Variants in PLCH2 observed in about 807,000 individuals in gnomAD.
PLCH2 encodes the protein 1-phosphatidylinositol 4,5-bisphosphate phosphodiesterase eta-2.
A neutral mutation model predicts 134.7 loss-of-function variants in PLCH2; 98 were observed. That is an observed-to-expected ratio of 0.73 (90% CI 0.62 to 0.86). The LOEUF (loss-of-function observed/expected upper bound fraction) is 0.86. Among genes scored for constraint, PLCH2 ranks in the 40% least tolerant of loss-of-function variants. PLCH2 has a pLI of 0.00. For missense variants in PLCH2, 1,994 were observed against 1,986.6 expected, an observed-to-expected ratio of 1.00 and a Z score of -0.07; for synonymous variants, 974 against 827.5, an observed-to-expected ratio of 1.18 and a Z score of -3.04.
At chr1:2,436,495 T>TC (rs1553238917) in intron 2 of PLCH2, among the ~76,000 whole-genome samples, 5 of 21,742 alleles carry the variant, frequency 2.3e-4, no homozygotes, top group Admixed American at 1.1e-3. Context: ...CCCTCCTCCC[T>TC]CCTCCTCCTT....
In PLCH2 at chr1:2,448,806, G is replaced by T. The variant is rs1240865998; in HGVS notation, c.115+18177G>T. 1.8e-4 allele frequency among the ~76,000 whole-genome samples: 27 copies of T among 152,164 alleles called. No homozygotes were observed. Among genetic ancestry groups the T allele is most frequent in the Admixed American group, 1.8e-3 (27 of 15,288 alleles). ...GGGTCCTGGCTCCACAGGTGACCAA[G>T]AGGGGTACTGGAGGCCTGGACGGGC... On this transcript the variant is annotated intron_variant, in intron 2 of 3. Coordinates refer to the PLCH2 transcript ENST00000609981. This position sits in a 1 kb window ranked among gnomAD's most constrained non-coding sequence, Gnocchi z 4.0.
intron 2 of PLCH2, among the ~76,000 whole-genome samples, chr1:2,446,522 G>A (rs374275755): frequency 3.3e-5 from 5 of 152,312 alleles, no homozygotes; most frequent in East Asian, 1.9e-4. Flanking sequence ...CTCCGACTCC[G>A]ACCGCCCTCC....
chr1:2,481,025 C>T (rs1641938969), intron 4 of PLCH2, among the ~76,000 whole-genome samples: 1 of 152,236 alleles, frequency 6.6e-6, no homozygotes, highest in African/African-American at 2.4e-5. Context: ...CACACACACG[C>T]ACACGCATGC....
At chr1:2,469,927 G>T (rs1250778063) in intron 1 of PLCH2, among the ~76,000 whole-genome samples, 2 of 152,212 alleles carry the variant, frequency 1.3e-5, no homozygotes, top group African/African-American at 4.8e-5. Context: ...GGGCCTTGTG[G>T]CTGACGGTCA....
chr1:2,489,890 G>C (rs747537814), intron 10 of PLCH2, 23 bp downstream of exon 10: 16 of 1,512,708 alleles, frequency 1.1e-5, no homozygotes, highest in Admixed American at 1.7e-5. Context: ...GGAGGTGGAG[G>C]GGGGCGCGTG....
intron 9 of PLCH2, 44 bp downstream of exon 9, chr1:2,489,422 T>A: frequency 6.3e-7 from 1 of 1,598,118 alleles, no homozygotes; most frequent in Non-Finnish European, 8.6e-7. Context: ...ACACAGAGTC[T>A]CGGGCCTGCA....
chr1:2,464,908 C>T (rs962556327), upstream of PLCH2, among the ~76,000 whole-genome samples: 14 of 152,200 alleles, frequency 9.2e-5, 1 homozygote, highest in African/African-American at 2.9e-4. Flanking sequence ...AGACTGAAGA[C>T]GGGACCCTCA....
At chr1:2,427,302 G>T (rs1638846251) in intron 1 of PLCH2, among the ~76,000 whole-genome samples, 2 of 152,138 alleles carry the variant, frequency 1.3e-5, no homozygotes, top group African/African-American at 4.8e-5. Context: ...TCACCCTCTG[G>T]GTCTCTCGTG....
chr1:2,418,810 C>T, the PLCH2 span, among the ~76,000 whole-genome samples: 2 of 152,230 alleles, frequency 1.3e-5, no homozygotes, highest in Admixed American at 1.3e-4. Flanking sequence ...CACATGGCCT[C>T]GACTTGGCTG....
intron 4 of PLCH2, among the ~76,000 whole-genome samples, chr1:2,481,093 T>TGCACACACACAC (rs1251367441): frequency 2.0e-5 from 3 of 152,100 alleles, no homozygotes; most frequent in Non-Finnish European, 4.4e-5. Context: ...GGCACACACA[T>TGCACACACACAC]GCACACACAC....
chr1:2,503,391 G>T, intron 21 of PLCH2: 5 of 588,996 alleles, frequency 8.5e-6, no homozygotes, highest in Non-Finnish European at 1.5e-5. Flanking sequence ...TGCAGCTGCT[G>T]GGCGTCTCCT....
upstream of PLCH2, among the ~76,000 whole-genome samples, chr1:2,465,810 C>A (rs1456245350): frequency 2.0e-5 from 3 of 152,086 alleles, no homozygotes; most frequent in Admixed American, 6.6e-5. Flanking sequence ...AGAACCTGAA[C>A]CTGGGTTTCA....
chr1:2,474,242 GC>G (rs200959941), upstream of PLCH2, among the ~76,000 whole-genome samples: 2,512 of 152,292 alleles, frequency 0.016, 61 homozygotes, highest in African/African-American at 0.056. Flanking sequence ...AAGTCTCTGG[GC>G]CTGGGCCCCT....
Position 2,502,159 on chromosome 1 carries a change from G to T in PLCH2, c.2709G>T (p.Lys903Asn), listed in dbSNP as rs1342621682. The T allele has an allele frequency of 1.3e-6, 2 of 1,499,918 alleles. No homozygotes were observed. Among genetic ancestry groups the T allele is most frequent in the African/African-American group, 1.4e-5 (1 of 70,082 alleles). The allele number at this position is 1,499,918 out of a possible 1,614,324, so 92.9% of individuals were successfully genotyped here. A position where few individuals can be genotyped will look rare whatever the true frequency, so the allele number is the denominator to read the frequency against. Residue 903 changes from lysine (K) to asparagine (N), a missense_variant, in exon 21 of 22, where the codon AAG becomes AAT. Physicochemically the swap from Lys to Asn is moderately conservative, Grantham distance 94. This residue lies in a region of PLCH2 where 900 missense variants were observed against 752.3 expected (regional missense o/e 1.20). Coordinates refer to ENST00000378486, the MANE Select transcript of PLCH2 (RefSeq NM_014638.4). The stretch of plus-strand genomic sequence containing the variant: ...AAGGCCTCTTCCTCCGAGGCCCAAA[G>T]CCCGGCTCGCTGGACAGTCATGCTG... ...GLKGLFLRGP[K>N]PGSLDSHAAG...
intron 11 of PLCH2, chr1:2,494,521 C>G: frequency 4.7e-6 from 2 of 427,708 alleles, no homozygotes; most frequent in South Asian, 2.2e-5. Context: ...TACGTAGTCA[C>G]CACTGGTGGG....
intron 2 of PLCH2, among the ~76,000 whole-genome samples, chr1:2,452,634 G>A (rs991037679): frequency 6.6e-6 from 1 of 152,340 alleles, no homozygotes; most frequent in Admixed American, 6.5e-5. Flanking sequence ...AGCAGCAGAT[G>A]GGCCCAGGGA....
In PLCH2 at chr1:2,443,316, G is replaced by A. The variant is rs1023557068; in HGVS notation, c.115+12687G>A. Among the ~76,000 whole-genome samples the A allele has an allele frequency of 2.0e-5, 3 of 152,148 alleles. No individual in the cohort carries two copies. In the South Asian group the frequency reaches 6.2e-4, roughly 32 times the overall value. On this transcript the variant is annotated intron_variant, in intron 2 of 3. Coordinates refer to the PLCH2 transcript ENST00000609981. Reference sequence around the variant, plus strand: ...CAGGCCCCAGTCCTCAAATGGGGAAGGGATGGCCCAGGCCCCAGTCCTCAA... The same window carrying A: ...CAGGCCCCAGTCCTCAAATGGGGAAAGGATGGCCCAGGCCCCAGTCCTCAA...
intron 1 of PLCH2, among the ~76,000 whole-genome samples, chr1:2,478,028 C>T (rs1171986290): frequency 6.6e-6 from 1 of 152,260 alleles, no homozygotes; most frequent in Non-Finnish European, 1.5e-5. Flanking sequence ...CCAGCCACCT[C>T]ATCTGTCTTG....
In PLCH2 at chr1:2,438,527, C is replaced by G. The variant is rs571606916; in HGVS notation, c.115+7898C>G. On this transcript the variant is annotated intron_variant, in intron 2 of 3. Transcript: ENST00000609981. The stretch of plus-strand genomic sequence containing the variant: ...AAAGGTGTGCACACTCGACCCTGGC[C>G]TCCATCAGAGAGGGCAGCATGAGGG... 2.0e-5 allele frequency among the ~76,000 whole-genome samples: 3 copies of G among 152,304 alleles called. No individual in the cohort carries two copies. In the South Asian group the frequency reaches 6.2e-4, roughly 32 times the overall value.
Sources: gnomAD v4.1 joint callset for allele counts (sites outside exome capture counted in the v4.1 genomes callset) on GRCh38, gnomAD v4.1.1 for gene constraint, gnomAD v4.1.1 regional missense constraint, Gnocchi (gnomAD v3.1) non-coding constraint, MANE v1.5 for transcripts, NCBI Gene and HGNC (gene_info 2026-07-23, HGNC 2026-07-21) for gene names.